The following CCDC191 variants were observed in gnomAD, a reference collection of about 807,000 sequenced individuals.
CCDC191 encodes the protein coiled-coil domain containing 191.
In CCDC191, 99 loss-of-function variants were observed where a neutral mutation model predicts 114.0. The observed-to-expected ratio is 0.87, with a 90% confidence interval of 0.74 to 1.03. The LOEUF (loss-of-function observed/expected upper bound fraction) is 1.03. Ranked by LOEUF, CCDC191 falls within the 50% of genes least tolerant of loss-of-function variation. The pLI, the probability that CCDC191 is intolerant of heterozygous loss-of-function variation, is 0.00. For missense variants in CCDC191, 973 were observed against 1,087.0 expected (o/e 0.90, Z 1.47); for synonymous variants, 351 against 376.0 (o/e 0.93, Z 0.77).
At chr3:114,008,385 T>G (rs915441704) in intron 9 of CCDC191, among the ~76,000 whole-genome samples, 14 of 151,934 alleles carry the variant, frequency 9.2e-5, no homozygotes, top group African/African-American at 3.4e-4. Flanking sequence ...GCTCAGAGAA[T>G]AAGCTTAAAT....
At chr3:113,985,359 G>C (rs1048510883) in intron 13 of CCDC191, among the ~76,000 whole-genome samples, 6 of 152,160 alleles carry the variant, frequency 3.9e-5, no homozygotes, top group African/African-American at 1.4e-4. Context: ...GGATTCAGGG[G>C]ATTCTGCCCA....
intron 4 of CCDC191, 30 bp downstream of exon 4, chr3:114,042,673 A>G: frequency 6.7e-7 from 1 of 1,503,746 alleles, no homozygotes; most frequent in Non-Finnish European, 8.8e-7. Context: ...ATTAGATGTT[A>G]AAACTTAGAA....
At chr3:114,014,934 C>A (rs963663162) in intron 8 of CCDC191, among the ~76,000 whole-genome samples, 2 of 151,746 alleles carry the variant, frequency 1.3e-5, no homozygotes, top group Non-Finnish European at 2.9e-5. Flanking sequence ...CCATCCTATC[C>A]CCAGGACTTA....
chr3:114,010,650 G>T, intron 9 of CCDC191, 122 bp downstream of exon 9: 1 of 825,454 alleles, frequency 1.2e-6, no homozygotes. Context: ...GAAAGGTAGT[G>T]CATTGAGGCA....
chr3:113,989,927 T>C (rs2075500688), intron 13 of CCDC191, among the ~76,000 whole-genome samples: 1 of 152,150 alleles, frequency 6.6e-6, no homozygotes, highest in Non-Finnish European at 1.5e-5. Flanking sequence ...TTTGAGGTTA[T>C]AGTGAGCTGT....
intron 7 of CCDC191, among the ~76,000 whole-genome samples, chr3:114,023,118 G>T (rs1422922494): frequency 6.6e-6 from 1 of 152,088 alleles, no homozygotes; most frequent in Non-Finnish European, 1.5e-5. Flanking sequence ...GCTTCAAAGA[G>T]AATAAAATAC....
At chr3:114,006,033 G>T in intron 9 of CCDC191, 71 bp from the exon 10 acceptor site, 1 of 1,356,246 alleles carries the variant, frequency 7.4e-7, no homozygotes, top group Non-Finnish European at 1.0e-6. Context: ...CATTTATGAG[G>T]TCAGTATTGT....
chr3:113,992,663 C>T (rs924876101), intron 13 of CCDC191, among the ~76,000 whole-genome samples: 1 of 152,110 alleles, frequency 6.6e-6, no homozygotes, highest in Middle Eastern at 3.2e-3. Context: ...ACCAACATGG[C>T]ACATGTATAC....
intron 16 of CCDC191, among the ~76,000 whole-genome samples, chr3:113,969,312 CTTGA>C (rs1940560456): frequency 6.6e-6 from 1 of 152,184 alleles, no homozygotes; most frequent in Non-Finnish European, 1.5e-5. Context: ...TATCTCTTCA[CTTGA>C]TTGTTTCCTT....
In CCDC191 at chr3:113,988,649, A is replaced by G. The variant is rs1038884626; in HGVS notation, c.2164-7856T>C. Among the ~76,000 whole-genome samples the G allele has an allele frequency of 1.1e-4, 16 of 148,656 alleles. 1 individual carries two copies. Among genetic ancestry groups the G allele is most frequent in the African/African-American group, 3.7e-4 (15 of 40,588 alleles). On this transcript the variant is annotated intron_variant, in intron 13 of 16. Coordinates refer to ENST00000295878, the MANE Select transcript of CCDC191 (RefSeq NM_020817.2). Reference sequence around the variant, plus strand: ...CTCAAAAAAAAAAAAAAAAAAAAAAAGATTTTAATCCAGTTTTATCAATAA... The same window carrying G: ...CTCAAAAAAAAAAAAAAAAAAAAAAGGATTTTAATCCAGTTTTATCAATAA...
chr3:113,968,435 A>G (rs1218545825), intron 16 of CCDC191, among the ~76,000 whole-genome samples: 1 of 151,818 alleles, frequency 6.6e-6, no homozygotes, highest in Non-Finnish European at 1.5e-5. Flanking sequence ...ATCTTTTGAG[A>G]AATGTCTATT....
chr3:114,000,593 T>C (rs62267063), intron 13 of CCDC191, among the ~76,000 whole-genome samples: 22,366 of 152,150 alleles, frequency 0.15, 2,316 homozygotes, highest in African/African-American at 0.29. Flanking sequence ...ATGAAAATAC[T>C]TCTAATTTCT....
chr3:114,028,920 A>ATG (rs1317547437), intron 7 of CCDC191, among the ~76,000 whole-genome samples: 1 of 151,134 alleles, frequency 6.6e-6, no homozygotes, highest in Non-Finnish European at 1.5e-5. Context: ...ATGTGTGTGT[A>ATG]TATGTATGTT....
In CCDC191 at chr3:114,006,617, T is replaced by TAA. The variant is rs1553747224; in HGVS notation, c.1414-657_1414-656dup. Among the ~76,000 whole-genome samples the TAA allele has an allele frequency of 8.1e-3, 963 of 118,386 alleles. 30 individuals carry two copies. The highest frequency in any genetic ancestry group is 0.024 in the African/African-American group (695 of 28,918). The allele number at this position is 118,386 out of a possible 152,430, so 77.7% of individuals were successfully genotyped here. On this transcript the variant is annotated intron_variant, in intron 9 of 16. Transcript: ENST00000295878. ...ATATATATATATATATATATATATATAAATATATATATTTTATATATAAAA... is the reference window on the plus strand; with the variant it reads ...ATATATATATATATATATATATATATAAAAATATATATATTTTATATATAAAA...
At chr3:113,965,407 C>G (rs1257379171) in intron 16 of CCDC191, 48 bp from the exon 17 acceptor site, 18 of 1,221,698 alleles carry the variant, frequency 1.5e-5, no homozygotes, top group Non-Finnish European at 1.8e-5. Flanking sequence ...AAAAAGTTGG[C>G]TTTCCATCTA....
chr3:113,988,980 T>A (rs2075466140), intron 13 of CCDC191, among the ~76,000 whole-genome samples: 1 of 152,092 alleles, frequency 6.6e-6, no homozygotes, highest in South Asian at 2.1e-4. Flanking sequence ...ATTTTTTTAG[T>A]AGAGACAGGG....
At chr3:114,030,939 T>C (rs2076395987) in intron 7 of CCDC191, among the ~76,000 whole-genome samples, 1 of 152,222 alleles carries the variant, frequency 6.6e-6, no homozygotes, top group African/African-American at 2.4e-5. Flanking sequence ...TCTTTTCTCA[T>C]CTAACCCTCT....
At chr3:114,006,074 C>A in intron 9 of CCDC191, 112 bp from the exon 10 acceptor site, 1 of 959,786 alleles carries the variant, frequency 1.0e-6, no homozygotes, top group Non-Finnish European at 1.6e-6. Context: ...CCATGTATTG[C>A]AGGTAAAGGT....
At chr3:113,970,397 T>C (rs1394404960) in intron 16 of CCDC191, among the ~76,000 whole-genome samples, 2 of 152,062 alleles carry the variant, frequency 1.3e-5, no homozygotes, top group Non-Finnish European at 2.9e-5. Context: ...TGGCCTCAAG[T>C]GATCCTTCCA....
Sources: allele counts gnomAD v4.1 joint callset (sites outside exome capture counted in the v4.1 genomes callset), GRCh38; gene constraint gnomAD v4.1.1; transcripts MANE v1.5; gene names NCBI Gene and HGNC (gene_info 2026-07-23, HGNC 2026-07-21).